FAM135B: variants seen among roughly 807,000 people sequenced by gnomAD.
FAM135B encodes protein FAM135B.
In FAM135B, 43 loss-of-function variants were observed where a neutral mutation model predicts 127.7. The ratio of observed to expected loss-of-function variants is 0.34; its 90% CI spans 0.26 to 0.43. FAM135B has a LOEUF of 0.43. Ranked by LOEUF, FAM135B falls within the 20% of genes least tolerant of loss-of-function variation. FAM135B has a pLI of 1.00. For missense variants in FAM135B, 1,558 were observed against 1,725.6 expected (o/e 0.90, Z 1.72); for synonymous variants, 670 against 665.1 (o/e 1.01, Z -0.11).
chr8:138,304,097 A>G (rs1341015398), intron 3 of FAM135B, among the ~76,000 whole-genome samples: 3 of 152,190 alleles, frequency 2.0e-5, no homozygotes, highest in South Asian at 2.1e-4. Context: ...GGGTAGGGAA[A>G]GAGAGGAAGA....
chr8:138,367,853 A>T (rs1830849376), intron 2 of FAM135B, 54 bp downstream of exon 2: 1 of 1,361,076 alleles, frequency 7.3e-7, no homozygotes, highest in Non-Finnish European at 1.0e-6. Context: ...CACGGAAAGA[A>T]ACAAACAACA....
At chr8:138,339,090 TCA>T (rs1440818352) in intron 2 of FAM135B, among the ~76,000 whole-genome samples, 1 of 122,446 alleles carries the variant, frequency 8.2e-6, no homozygotes, top group Non-Finnish European at 1.6e-5. Context: ...AAAGGGAACA[TCA>T]CACACCGGGG....
chr8:138,200,505 A>T (rs1331530292), intron 7 of FAM135B, among the ~76,000 whole-genome samples: 1 of 152,170 alleles, frequency 6.6e-6, no homozygotes, highest in Non-Finnish European at 1.5e-5. Flanking sequence ...ATCTCTTTTG[A>T]TCTTCAGCAA....
chr8:138,244,470 G>A (rs761675621), intron 6 of FAM135B, among the ~76,000 whole-genome samples: 13 of 152,150 alleles, frequency 8.5e-5, no homozygotes, highest in Non-Finnish European at 1.8e-4. Context: ...CAGCACCCTA[G>A]CCATTTGGTG....
In FAM135B at chr8:138,243,143, G is replaced by A. The variant is rs1052531746; in HGVS notation, c.543-75C>T. On this transcript the variant is annotated intron_variant, in intron 6 of 19. Transcript: ENST00000395297. The surrounding 1 kb of genome is among the most constrained non-coding windows in gnomAD (Gnocchi z 7.5). Reference sequence around the variant, plus strand: ...GGTGCCATTAACTCAGCCCCTTTGAGGAGTGTTCCTGTGAAGCATTTGGGA... The same window carrying A: ...GGTGCCATTAACTCAGCCCCTTTGAAGAGTGTTCCTGTGAAGCATTTGGGA... The A allele has an allele frequency of 2.3e-5, 35 of 1,518,108 alleles. No homozygotes were observed. Among genetic ancestry groups the A allele is most frequent in the Admixed American group, 4.1e-5 (2 of 48,812 alleles). The allele number at this position is 1,518,108 out of a possible 1,614,324, so 94.0% of individuals were successfully genotyped here.
At chr8:138,294,926 T>G (rs553332318) in intron 3 of FAM135B, among the ~76,000 whole-genome samples, 1 of 152,272 alleles carries the variant, frequency 6.6e-6, no homozygotes, top group African/African-American at 2.4e-5. Flanking sequence ...GCCCTGAAAC[T>G]CTGCTGTATT....
intron 6 of FAM135B, among the ~76,000 whole-genome samples, chr8:138,244,715 C>A (rs1215223991): frequency 6.6e-6 from 1 of 152,196 alleles, no homozygotes; most frequent in Admixed American, 6.5e-5. Context: ...TGTGAATACT[C>A]CTGGCACATT....
At chr8:138,265,264 T>C (rs1172401547) in intron 4 of FAM135B, among the ~76,000 whole-genome samples, 1 of 152,198 alleles carries the variant, frequency 6.6e-6, no homozygotes, top group Non-Finnish European at 1.5e-5. Context: ...TGTTTGCTTA[T>C]ATATCTGTTT....
intron 11 of FAM135B, among the ~76,000 whole-genome samples, chr8:138,174,525 C>T (rs368292652): frequency 1.8e-4 from 27 of 152,178 alleles, no homozygotes; most frequent in East Asian, 1.2e-3. Context: ...TGAAATTCTC[C>T]CTCTGTTTTA....
At chr8:138,489,591 C>A (rs1008607230) in intron 1 of FAM135B, among the ~76,000 whole-genome samples, 1 of 152,142 alleles carries the variant, frequency 6.6e-6, no homozygotes, top group Non-Finnish European at 1.5e-5. Context: ...AGTTTAAGAT[C>A]TTTCCACCCC....
At chr8:138,307,459 C>T (rs531463765) in intron 3 of FAM135B, among the ~76,000 whole-genome samples, 5 of 152,258 alleles carry the variant, frequency 3.3e-5, no homozygotes, top group African/African-American at 9.6e-5. Flanking sequence ...GCTATGAGGG[C>T]CCTCTGTCTC....
chr8:138,244,667 T>C (rs954940556), intron 6 of FAM135B, among the ~76,000 whole-genome samples: 1 of 152,254 alleles, frequency 6.6e-6, no homozygotes, highest in Non-Finnish European at 1.5e-5. Context: ...ATAAGATGGA[T>C]AGAAGGAACA....
chr8:138,493,351 C>G (rs1355141168), intron 1 of FAM135B, among the ~76,000 whole-genome samples: 1 of 152,050 alleles, frequency 6.6e-6, no homozygotes, highest in Admixed American at 6.5e-5. Flanking sequence ...TGGTTGGGAC[C>G]ATGACCATCT....
chr8:138,357,346 T>C (rs1421345485), intron 2 of FAM135B, among the ~76,000 whole-genome samples: 2 of 152,140 alleles, frequency 1.3e-5, no homozygotes, highest in African/African-American at 4.8e-5. Context: ...TGGAATTCTG[T>C]GTAGTTATTA....
chr8:138,375,014 A>C (rs573715701), intron 1 of FAM135B, among the ~76,000 whole-genome samples: 229 of 151,876 alleles, frequency 1.5e-3, no homozygotes, highest in Middle Eastern at 0.01. Flanking sequence ...CAACAACAAC[A>C]ACCCCAGATT....
chr8:138,367,634 A>T (rs1183580403), intron 2 of FAM135B, among the ~76,000 whole-genome samples: 7 of 152,142 alleles, frequency 4.6e-5, no homozygotes, highest in Admixed American at 3.3e-4. Context: ...TGACATATGT[A>T]TTAGAAAGAG....
intron 1 of FAM135B, among the ~76,000 whole-genome samples, chr8:138,463,619 T>C (rs1356685825): frequency 2.0e-5 from 3 of 152,032 alleles, no homozygotes; most frequent in African/African-American, 7.2e-5. Flanking sequence ...GCTCCACAAA[T>C]ACCAAAGGTC....
chr8:138,226,184 T>TGTGTGTGTGTGCGC, intron 7 of FAM135B, among the ~76,000 whole-genome samples: 2 of 139,202 alleles, frequency 1.4e-5, no homozygotes, highest in African/African-American at 5.4e-5. Context: ...TGTGTGTGTG[T>TGTGTGTGTGTGCGC]GCGCGCATGT....
intron 11 of FAM135B, among the ~76,000 whole-genome samples, chr8:138,169,444 C>CT: frequency 4.6e-5 from 7 of 151,652 alleles, no homozygotes; most frequent in African/African-American, 1.7e-4. Flanking sequence ...TTTAAATGTT[C>CT]TCTGAATATT....
Sources: allele counts gnomAD v4.1 joint callset (sites outside exome capture counted in the v4.1 genomes callset), GRCh38; gene constraint gnomAD v4.1.1; non-coding constraint Gnocchi (gnomAD v3.1); transcripts MANE v1.5; gene names NCBI Gene and HGNC (gene_info 2026-07-23, HGNC 2026-07-21).